FAF1: variants seen among roughly 807,000 people sequenced by gnomAD.
FAF1 encodes the protein FAS-associated factor 1.
A neutral mutation model predicts 92.5 loss-of-function variants in FAF1; 25 were observed. The observed-to-expected ratio is 0.27, with a 90% CI of 0.20 to 0.38. FAF1 has a LOEUF of 0.38. FAF1 is among the 10% of genes least tolerant of loss of function. The pLI is 1.00. For missense variants in FAF1, 636 were observed against 793.3 expected, an observed-to-expected ratio of 0.80 and a Z score of 2.38; for synonymous variants, 234 against 273.2, an observed-to-expected ratio of 0.86 and a Z score of 1.42.
intron 3 of FAF1, among the ~76,000 whole-genome samples, chr1:50,794,590 C>T (rs1661676371): frequency 6.6e-6 from 1 of 152,128 alleles, no homozygotes; most frequent in African/African-American, 2.4e-5. Context: ...AAAACAGATC[C>T]TTTAGAATGC....
rs1460325616 is a variant in FAF1 at position 50,869,824 on chromosome 1, A to G, written c.46-11827T>C. Among the ~76,000 whole-genome samples the G allele has an allele frequency of 2.0e-5, 3 of 152,174 alleles. No individual in the cohort carries two copies. In the East Asian group the frequency reaches 5.8e-4, roughly 29 times the overall value. ...TAAGTTCTATTCTCTACAGTTTTAC[A>G]TATTTTAAACATATCTACCTTAAAG... On this transcript the variant is annotated intron_variant, in intron 1 of 18. Transcript: ENST00000396153.
At chr1:50,951,884 T>C (rs1408159992) in intron 1 of FAF1, among the ~76,000 whole-genome samples, 4 of 152,176 alleles carry the variant, frequency 2.6e-5, no homozygotes, top group Non-Finnish European at 5.9e-5. Flanking sequence ...AATATTTCTT[T>C]GTGTCAAACT....
At chr1:50,577,133 T>C (rs1242884118) in intron 12 of FAF1, among the ~76,000 whole-genome samples, 2 of 152,342 alleles carry the variant, frequency 1.3e-5, no homozygotes, top group East Asian at 1.9e-4. Flanking sequence ...TAATCTTCCA[T>C]TGCCTTTACT....
chr1:50,836,428 C>A (rs1198869503), intron 2 of FAF1, among the ~76,000 whole-genome samples: 1 of 151,940 alleles, frequency 6.6e-6, no homozygotes, highest in Non-Finnish European at 1.5e-5. Context: ...AACATATATT[C>A]AATAATCTCT....
chr1:50,796,099 G>C (rs1661740447), intron 3 of FAF1, among the ~76,000 whole-genome samples: 1 of 151,792 alleles, frequency 6.6e-6, no homozygotes, highest in Admixed American at 6.6e-5. Context: ...GACCATTTGA[G>C]GTGCTGGCTG....
intron 15 of FAF1, among the ~76,000 whole-genome samples, chr1:50,507,839 C>T (rs1379880368): frequency 6.6e-6 from 1 of 152,174 alleles, no homozygotes; most frequent in African/African-American, 2.4e-5. Context: ...TCAGATATTT[C>T]AGATCTTATT....
Position 50,714,403 on chromosome 1 carries a change from C to T in FAF1, c.552-8512G>A, listed in dbSNP as rs138907701. On this transcript the variant is annotated intron_variant, in intron 6 of 18. Transcript: ENST00000396153. ...TGGCGGCCGCCTGTAATCCCAGCTACGCAGGAGGCTGAGGCAGGAGAATCT... is the reference window on the plus strand; with the variant it reads ...TGGCGGCCGCCTGTAATCCCAGCTATGCAGGAGGCTGAGGCAGGAGAATCT... 8.5e-3 allele frequency among the ~76,000 whole-genome samples: 1,282 copies of T among 151,294 alleles called. 18 individuals are homozygous for T. The highest frequency in any genetic ancestry group is 0.029 in the African/African-American group (1,185 of 41,210).
At chr1:50,765,882 G>T (rs1467637046) in intron 4 of FAF1, among the ~76,000 whole-genome samples, 1 of 152,216 alleles carries the variant, frequency 6.6e-6, no homozygotes, top group Non-Finnish European at 1.5e-5. Flanking sequence ...CCTGAGGTCA[G>T]GAGTTCAAGA....
chr1:50,617,693 GTTT>G (rs61376152), intron 8 of FAF1, among the ~76,000 whole-genome samples: 2 of 119,212 alleles, frequency 1.7e-5, no homozygotes, highest in South Asian at 5.5e-4. Context: ...CTCCTCTTCT[GTTT>G]TTTTTTTTTT....
intron 8 of FAF1, among the ~76,000 whole-genome samples, chr1:50,613,081 T>C (rs1398020206): frequency 6.6e-6 from 1 of 152,220 alleles, no homozygotes; most frequent in Non-Finnish European, 1.5e-5. Flanking sequence ...TATGGGTACT[T>C]TTCCTACTTT....
chr1:50,880,874 C>CA (rs35702947), intron 1 of FAF1, among the ~76,000 whole-genome samples: 5,841 of 152,280 alleles, frequency 0.038, 126 homozygotes, highest in East Asian at 0.073. Flanking sequence ...TAAACTCTAG[C>CA]ACACCATTTG....
At position 50,485,128 on chromosome 1, in the gene FAF1, A is replaced by AT. The variant is rs1199957363; in HGVS notation, c.1653+5459dup. 9.1e-4 allele frequency among the ~76,000 whole-genome samples: 138 copies of AT among 151,722 alleles called. 2 individuals carry two copies. The highest frequency in any genetic ancestry group is 3.3e-3 in the African/African-American group (137 of 41,396). On this transcript the variant is annotated intron_variant, in intron 17 of 18. Transcript: ENST00000396153. Reference sequence around the variant, plus strand: ...ATAAAAAAAAGAAATTATTATTATTATTATTTTTTTTAAATAGAGATAGGG... The same window carrying AT: ...ATAAAAAAAAGAAATTATTATTATTATTTATTTTTTTTAAATAGAGATAGGG...
chr1:50,902,428 C>T (rs1465644655), intron 1 of FAF1, among the ~76,000 whole-genome samples: 1 of 152,126 alleles, frequency 6.6e-6, no homozygotes, highest in East Asian at 1.9e-4. Flanking sequence ...TCTGGATACA[C>T]TGGGTTAAAT....
At chr1:50,576,633 G>GCCCCCCCCCCC (rs59182122) in intron 12 of FAF1, among the ~76,000 whole-genome samples, 5 of 131,926 alleles carry the variant, frequency 3.8e-5, no homozygotes, top group South Asian at 2.7e-4. Flanking sequence ...TCTCCGCACC[G>GCCCCCCCCCCC]CCCCCCCCCC....
At chr1:50,741,999 T>A (rs533130185) in intron 5 of FAF1, among the ~76,000 whole-genome samples, 1 of 152,200 alleles carries the variant, frequency 6.6e-6, no homozygotes, top group South Asian at 2.1e-4. Context: ...AATCACCTAG[T>A]GAAGAGTACA....
chr1:50,958,494 G>A (rs1417738838), intron 1 of FAF1, among the ~76,000 whole-genome samples: 6 of 151,990 alleles, frequency 3.9e-5, no homozygotes, highest in African/African-American at 9.7e-5. Context: ...TGACTAACAC[G>A]GCGAAACCCT....
chr1:50,496,435 G>T (rs1572785327), intron 15 of FAF1, among the ~76,000 whole-genome samples: 1 of 152,332 alleles, frequency 6.6e-6, no homozygotes, highest in Non-Finnish European at 1.5e-5. Context: ...TAAAGAAAGA[G>T]AAGTTTCTAG....
chr1:50,647,003 G>A (rs150051139), intron 8 of FAF1, among the ~76,000 whole-genome samples: 5 of 152,142 alleles, frequency 3.3e-5, no homozygotes, highest in African/African-American at 1.2e-4. Context: ...GAGCCACCAC[G>A]CCCAGCTAAT....
intron 1 of FAF1, among the ~76,000 whole-genome samples, chr1:50,875,276 T>C (rs1032007128): frequency 6.6e-6 from 1 of 152,090 alleles, no homozygotes; most frequent in Non-Finnish European, 1.5e-5. Context: ...TATATTTTAA[T>C]TAACAAAAAT....
Sources: allele counts gnomAD v4.1 joint callset (sites outside exome capture counted in the v4.1 genomes callset), GRCh38; gene constraint gnomAD v4.1.1; transcripts MANE v1.5; gene names NCBI Gene and HGNC (gene_info 2026-07-23, HGNC 2026-07-21).